The following TRPS1 variants were observed in gnomAD, a reference collection of about 807,000 sequenced individuals.
The protein encoded by TRPS1 is zinc finger transcription factor Trps1.
TRPS1 carries 6 observed loss-of-function variants against 101.2 expected under a neutral mutation model. The observed-to-expected ratio is 0.06, with a 90% CI of 0.03 to 0.12. TRPS1 has a LOEUF of 0.12. TRPS1 is among the 10% of genes least tolerant of loss of function. The pLI, the probability that TRPS1 is intolerant of heterozygous loss-of-function variation, is 1.00. For synonymous variants in TRPS1, 578 were observed against 589.8 expected (o/e 0.98, Z 0.29); for missense variants, 1,363 against 1,567.0 (o/e 0.87, Z 2.20).
At chr8:115,487,826 A>G (rs1015344454) in intron 5 of TRPS1, among the ~76,000 whole-genome samples, 2 of 152,220 alleles carry the variant, frequency 1.3e-5, no homozygotes, top group Non-Finnish European at 2.9e-5. Context: ...ATCTAGTCCT[A>G]GTAAATATGC....
chr8:115,420,558 C>G (rs1813027917), intron 5 of TRPS1, among the ~76,000 whole-genome samples: 1 of 152,184 alleles, frequency 6.6e-6, no homozygotes, highest in Non-Finnish European at 1.5e-5. Context: ...CTGTTCTTTC[C>G]TTATGCCCTG....
intron 5 of TRPS1, among the ~76,000 whole-genome samples, chr8:115,463,294 G>C (rs1206152426): frequency 6.6e-6 from 1 of 152,098 alleles, no homozygotes; most frequent in African/African-American, 2.4e-5. Flanking sequence ...TAAAAACAAA[G>C]CCTGTACATA....
chr8:115,634,981 A>G (rs1818734799), intron 1 of TRPS1, among the ~76,000 whole-genome samples: 1 of 152,288 alleles, frequency 6.6e-6, no homozygotes, highest in East Asian at 1.9e-4. Context: ...AGTCTCACCA[A>G]TGTAGTCCAG....
chr8:115,639,784 G>A (rs759854483), intron 1 of TRPS1, among the ~76,000 whole-genome samples: 6 of 152,128 alleles, frequency 3.9e-5, no homozygotes, highest in Non-Finnish European at 5.9e-5. Flanking sequence ...AGCTGAGATC[G>A]TGCCACTGCA....
rs533200073 is a variant in TRPS1, at chr8:115,589,938, G to C, written c.2097-2334C>G. 1.5e-3 allele frequency among the ~76,000 whole-genome samples: 226 copies of C among 152,212 alleles called. 2 individuals carry two copies. The highest frequency in any genetic ancestry group is 1.2e-3 in the Non-Finnish European group (82 of 68,002). On this transcript the variant is annotated intron_variant, in intron 4 of 6. Transcript: ENST00000395715. ...TCGAGACCAGCCTGACCAACATGGTGAAACCCCATCTCTAATAAAAATACA... is the reference window on the plus strand; with the variant it reads ...TCGAGACCAGCCTGACCAACATGGTCAAACCCCATCTCTAATAAAAATACA...
intron 1 of TRPS1, among the ~76,000 whole-genome samples, chr8:115,641,515 T>C (rs1333379749): frequency 2.0e-5 from 3 of 152,178 alleles, no homozygotes; most frequent in African/African-American, 7.2e-5. Context: ...TACAATGAGC[T>C]CAATAAATAC....
At chr8:115,629,668 G>A (rs1224501909) in intron 1 of TRPS1, among the ~76,000 whole-genome samples, 1 of 151,754 alleles carries the variant, frequency 6.6e-6, no homozygotes, top group Admixed American at 6.6e-5. Flanking sequence ...TATGGCAAAG[G>A]CCTTTAATTA....
intron 5 of TRPS1, among the ~76,000 whole-genome samples, chr8:115,489,884 TCTTAAA>T (rs1814977480): frequency 6.6e-6 from 1 of 152,128 alleles, no homozygotes; most frequent in Non-Finnish European, 1.5e-5. Flanking sequence ...TCTCAATCCA[TCTTAAA>T]CTTAATACTT....
At chr8:115,665,128 T>C (rs1811891168) in intron 1 of TRPS1, among the ~76,000 whole-genome samples, 1 of 152,168 alleles carries the variant, frequency 6.6e-6, no homozygotes. Context: ...AATATTCATG[T>C]TATGAAAAAT....
At chr8:115,472,299 A>T (rs186400378) in intron 5 of TRPS1, among the ~76,000 whole-genome samples, 3 of 152,338 alleles carry the variant, frequency 2.0e-5, no homozygotes, top group African/African-American at 4.8e-5. Context: ...CGTGGAAGCC[A>T]CCAAGTCTTG....
At chr8:115,568,442 CTTCT>C (rs1326704116) in intron 5 of TRPS1, among the ~76,000 whole-genome samples, 1 of 151,958 alleles carries the variant, frequency 6.6e-6, no homozygotes, top group Non-Finnish European at 1.5e-5. Context: ...TATTCTTTTT[CTTCT>C]TTCTAATTTC....
intron 5 of TRPS1, among the ~76,000 whole-genome samples, chr8:115,450,893 C>T (rs868251285): frequency 6.6e-6 from 1 of 152,120 alleles, no homozygotes; most frequent in Non-Finnish European, 1.5e-5. Flanking sequence ...ATGTTTGAGA[C>T]CATTACGAAA....
At chr8:115,642,717 T>TA (rs1402202277) in intron 1 of TRPS1, among the ~76,000 whole-genome samples, 1 of 151,700 alleles carries the variant, frequency 6.6e-6, no homozygotes, top group Non-Finnish European at 1.5e-5. Flanking sequence ...TGTCAGTGTT[T>TA]AAAAAAATGC....
intron 5 of TRPS1, among the ~76,000 whole-genome samples, chr8:115,433,328 A>G: frequency 6.6e-6 from 1 of 152,072 alleles, no homozygotes; most frequent in East Asian, 1.9e-4. Context: ...CAAGGGAAAA[A>G]TTCTCTAAGT....
intron 5 of TRPS1, among the ~76,000 whole-genome samples, chr8:115,556,092 C>G (rs896369709): frequency 2.6e-5 from 4 of 151,916 alleles, no homozygotes; most frequent in African/African-American, 9.7e-5. Flanking sequence ...TCAATATATC[C>G]CAACTACTCT....
At chr8:115,585,728 G>A (rs1020458792) in intron 5 of TRPS1, among the ~76,000 whole-genome samples, 5 of 151,914 alleles carry the variant, frequency 3.3e-5, no homozygotes, top group Non-Finnish European at 5.9e-5. Context: ...TTTTTTTCCC[G>A]AAGTTACTCC....
rs536719687 is a variant in TRPS1 at position 115,605,396 on chromosome 8, C to T, written c.967-394G>A. Among the ~76,000 whole-genome samples, 162 of 152,254 alleles carry T rather than the reference C, an allele frequency of 1.1e-3. 1 individual carries two copies. Among genetic ancestry groups the T allele is most frequent in the Middle Eastern group, 6.8e-3 (2 of 294 alleles). On this transcript the variant is annotated intron_variant, in intron 3 of 6. Transcript: ENST00000395715. ...TGGGATTTCTTTTCAAAAGGTGAAG[C>T]GTTACTGTCAAAACTAGAGGCACTT...
intron 5 of TRPS1, among the ~76,000 whole-genome samples, chr8:115,494,865 G>A (rs1407627579): frequency 6.6e-6 from 1 of 152,086 alleles, no homozygotes; most frequent in Non-Finnish European, 1.5e-5. Flanking sequence ...GATGTTTTTC[G>A]CTTGAAAGAA....
intron 1 of TRPS1, among the ~76,000 whole-genome samples, chr8:115,652,095 A>G (rs1362696543): frequency 1.3e-5 from 2 of 152,208 alleles, no homozygotes; most frequent in African/African-American, 4.8e-5. Context: ...GATTAAGAGA[A>G]CATTCAATGA....
Sources: gnomAD v4.1 joint callset for allele counts (sites outside exome capture counted in the v4.1 genomes callset) on GRCh38, gnomAD v4.1.1 for gene constraint, MANE v1.5 for transcripts, NCBI Gene and HGNC (gene_info 2026-07-23, HGNC 2026-07-21) for gene names.